Variants in MTUS2 observed in about 807,000 individuals in gnomAD.
MTUS2 encodes microtubule-associated tumor suppressor candidate 2.
In MTUS2, 40 loss-of-function variants were observed where a neutral mutation model predicts 114.1. That is an observed-to-expected ratio of 0.35 (90% CI 0.27 to 0.46). The LOEUF (loss-of-function observed/expected upper bound fraction) is 0.46. MTUS2 is among the 20% of genes least tolerant of loss of function. The probability of loss-of-function intolerance (pLI) is 1.00; values close to 1 mark genes in which losing one functional copy is unlikely to be tolerated. For synonymous variants in MTUS2, 688 were observed against 672.0 expected (o/e 1.02, Z -0.37); for missense variants, 1,679 against 1,705.4 (o/e 0.98, Z 0.27).
At chr13:29,012,188 C>T (rs1246263810) in intron 2 of MTUS2, among the ~76,000 whole-genome samples, 1 of 152,170 alleles carries the variant, frequency 6.6e-6, no homozygotes, top group East Asian at 1.9e-4. Flanking sequence ...GCAGCTCAAG[C>T]GTGCCTCCTG....
chr13:28,866,809 T>C (rs979950287), intron 2 of MTUS2, among the ~76,000 whole-genome samples: 1 of 152,158 alleles, frequency 6.6e-6, no homozygotes, highest in African/African-American at 2.4e-5. Context: ...CCCTTCTGTA[T>C]ATGTCTACCA....
chr13:28,929,628 G>A (rs761595819), intron 2 of MTUS2, among the ~76,000 whole-genome samples: 1 of 152,164 alleles, frequency 6.6e-6, no homozygotes, highest in Non-Finnish European at 1.5e-5. Context: ...TGCATTCAGG[G>A]AATGACTGGA....
chr13:29,449,396 C>T (rs1264229874), intron 9 of MTUS2, among the ~76,000 whole-genome samples: 2 of 152,160 alleles, frequency 1.3e-5, no homozygotes, highest in Admixed American at 6.5e-5. Flanking sequence ...TCATGGTTAT[C>T]CAAAAAAATT....
intron 11 of MTUS2, chr13:29,489,877 C>A (rs9550471): frequency 0.35 from 53,275 of 151,954 alleles, 9,749 homozygotes; most frequent in East Asian, 0.65. Context: ...TTTGAAAACG[C>A]CCTGAAATCT....
At chr13:29,212,947 C>G (rs1213394543) in intron 5 of MTUS2, among the ~76,000 whole-genome samples, 1 of 152,162 alleles carries the variant, frequency 6.6e-6, no homozygotes, top group Non-Finnish European at 1.5e-5. Flanking sequence ...CTAATCATGA[C>G]TTGGTCTTCC....
chr13:29,376,877 A>C (rs1871793277), intron 8 of MTUS2, among the ~76,000 whole-genome samples: 1 of 152,228 alleles, frequency 6.6e-6, no homozygotes, highest in Non-Finnish European at 1.5e-5. Context: ...TGTTGTCAAC[A>C]AGAAACTGGC....
At chr13:29,132,374 C>T (rs1283528378) in intron 5 of MTUS2, among the ~76,000 whole-genome samples, 1 of 152,112 alleles carries the variant, frequency 6.6e-6, no homozygotes, top group African/African-American at 2.4e-5. Flanking sequence ...TGGTAGAATA[C>T]ACACGACAAA....
intron 2 of MTUS2, among the ~76,000 whole-genome samples, chr13:29,010,138 G>C (rs2138417478): frequency 6.6e-6 from 1 of 151,044 alleles, no homozygotes; most frequent in South Asian, 2.1e-4. Flanking sequence ...TGGAACCCAG[G>C]AGGTGGAAGT....
intron 8 of MTUS2, among the ~76,000 whole-genome samples, chr13:29,399,391 G>T (rs1874154545): frequency 6.6e-6 from 1 of 152,012 alleles, no homozygotes; most frequent in African/African-American, 2.4e-5. Context: ...TGGGAATGCA[G>T]CCCAGTAGGT....
chr13:28,922,757 C>T (rs1462545538), intron 2 of MTUS2, among the ~76,000 whole-genome samples: 1 of 152,166 alleles, frequency 6.6e-6, no homozygotes, highest in East Asian at 1.9e-4. Context: ...CCTTCAGTGC[C>T]TCTTTCAGTG....
intron 5 of MTUS2, among the ~76,000 whole-genome samples, chr13:29,232,333 C>G (rs1896367071): frequency 6.7e-6 from 1 of 150,072 alleles, no homozygotes; most frequent in South Asian, 2.1e-4. Flanking sequence ...CGCACACATA[C>G]ACATATGGGC....
At chr13:29,355,586 C>G (rs1869669569) in intron 7 of MTUS2, among the ~76,000 whole-genome samples, 1 of 152,218 alleles carries the variant, frequency 6.6e-6, no homozygotes, top group South Asian at 2.1e-4. Flanking sequence ...TGCCTGAGGG[C>G]AAGGACTGGC....
chr13:28,862,583 G>A (rs373736713), intron 2 of MTUS2, among the ~76,000 whole-genome samples: 5 of 152,268 alleles, frequency 3.3e-5, no homozygotes, highest in South Asian at 2.1e-4. Context: ...ACTGCACTCC[G>A]GCCTGGGCGC....
At chr13:29,428,712 C>A (rs997131376) in intron 8 of MTUS2, 24 of 1,487,408 alleles carry the variant, frequency 1.6e-5, no homozygotes, top group Non-Finnish European at 2.2e-5. Flanking sequence ...ATAAGGTAGC[C>A]AAGGGAACCA....
chr13:29,233,396 T>C (rs1022450397), intron 5 of MTUS2, among the ~76,000 whole-genome samples: 2 of 152,096 alleles, frequency 1.3e-5, no homozygotes, highest in Non-Finnish European at 2.9e-5. Context: ...TGGGACGAAG[T>C]AGGGAAGTGT....
chr13:29,410,075 G>A (rs1249333096), intron 8 of MTUS2, among the ~76,000 whole-genome samples: 5 of 151,548 alleles, frequency 3.3e-5, no homozygotes, highest in Non-Finnish European at 7.4e-5. Context: ...CACCAGCAAC[G>A]TTTAAGAGTG....
intron 8 of MTUS2, among the ~76,000 whole-genome samples, chr13:29,415,150 A>G (rs991091666): frequency 1.3e-5 from 2 of 151,494 alleles, no homozygotes; most frequent in African/African-American, 2.4e-5. Flanking sequence ...CATTGTGTTC[A>G]GTATGTTGTT....
At chr13:28,905,284 A>G (rs1039416613) in intron 2 of MTUS2, among the ~76,000 whole-genome samples, 3 of 151,496 alleles carry the variant, frequency 2.0e-5, no homozygotes, top group African/African-American at 7.3e-5. Flanking sequence ...AGAACTTCCA[A>G]CACTATGTTG....
At chr13:28,857,324 A>G (rs1378878047) in intron 2 of MTUS2, among the ~76,000 whole-genome samples, 1 of 152,198 alleles carries the variant, frequency 6.6e-6, no homozygotes, top group African/African-American at 2.4e-5. Context: ...CTGAAAGGCT[A>G]AAGTCATAGG....
Sources: allele counts gnomAD v4.1 joint callset (sites outside exome capture counted in the v4.1 genomes callset), GRCh38; gene constraint gnomAD v4.1.1; transcripts MANE v1.5; gene names NCBI Gene and HGNC (gene_info 2026-07-23, HGNC 2026-07-21).